The following CDH13 variants were observed in gnomAD, a reference collection of about 807,000 sequenced individuals.
CDH13 encodes cadherin-13.
In CDH13, 24 loss-of-function variants were observed where a neutral mutation model predicts 63.8. The observed-to-expected ratio is 0.38, with a 90% CI of 0.27 to 0.53. The LOEUF is 0.53. CDH13 is among the 20% of genes least tolerant of loss of function. The pLI, the probability that CDH13 is intolerant of heterozygous loss-of-function variation, is 0.85. For synonymous variants in CDH13, 503 were observed against 355.3 expected (o/e 1.42, Z -4.67); for missense variants, 1,049 against 903.1 (o/e 1.16, Z -2.07).
At chr16:83,495,841 A>T (rs908893645) in intron 7 of CDH13, among the ~76,000 whole-genome samples, 1 of 152,184 alleles carries the variant, frequency 6.6e-6, no homozygotes, top group African/African-American at 2.4e-5. Context: ...AGTCCTCATT[A>T]TGCAGGTACT....
At chr16:83,147,087 T>TA (rs1205087543) in intron 4 of CDH13, among the ~76,000 whole-genome samples, 27 of 150,914 alleles carry the variant, frequency 1.8e-4, no homozygotes, top group South Asian at 4.2e-4. Context: ...GACTCCATCT[T>TA]AAAAAAAAAG....
chr16:82,862,341 C>A (rs780024304), intron 2 of CDH13, among the ~76,000 whole-genome samples: 5 of 152,218 alleles, frequency 3.3e-5, no homozygotes, highest in Admixed American at 6.5e-5. Flanking sequence ...TAAAATCTGA[C>A]TATCCTATGT....
At chr16:83,193,222 A>G (rs529386134) in intron 4 of CDH13, among the ~76,000 whole-genome samples, 15 of 151,962 alleles carry the variant, frequency 9.9e-5, no homozygotes, top group African/African-American at 3.6e-4. Context: ...GCCATCCTAG[A>G]TGCTAGCTCT....
chr16:82,853,850 C>T (rs2039587109), intron 1 of CDH13, among the ~76,000 whole-genome samples: 1 of 152,074 alleles, frequency 6.6e-6, no homozygotes, highest in Admixed American at 6.5e-5. Flanking sequence ...ATGCTCAGAG[C>T]ATATATTCTA....
At chr16:83,700,626 C>T (rs963869432) in intron 10 of CDH13, among the ~76,000 whole-genome samples, 1 of 152,186 alleles carries the variant, frequency 6.6e-6, no homozygotes, top group Non-Finnish European at 1.5e-5. Flanking sequence ...TTTGGGAATG[C>T]AATCCCATAT....
chr16:82,764,176 T>A (rs1421845471), intron 1 of CDH13, among the ~76,000 whole-genome samples: 4 of 152,202 alleles, frequency 2.6e-5, no homozygotes, highest in Admixed American at 2.6e-4. Context: ...GTTGTTGTTG[T>A]TAGAATACAT....
At chr16:83,732,021 A>G (rs1381200976) in intron 10 of CDH13, among the ~76,000 whole-genome samples, 1 of 152,254 alleles carries the variant, frequency 6.6e-6, no homozygotes, top group Admixed American at 6.5e-5. Context: ...CCTAAAGGTA[A>G]TCATCCTGGT....
intron 4 of CDH13, among the ~76,000 whole-genome samples, chr16:83,130,895 G>A (rs528691844): frequency 6.6e-6 from 1 of 152,318 alleles, no homozygotes; most frequent in South Asian, 2.1e-4. Flanking sequence ...GCAAGGTGCT[G>A]TGGCAAGTTA....
intron 10 of CDH13, among the ~76,000 whole-genome samples, chr16:83,694,158 G>C (rs1426219538): frequency 6.6e-6 from 1 of 152,222 alleles, no homozygotes; most frequent in East Asian, 1.9e-4. Flanking sequence ...GTAGCCGCCA[G>C]ATAGAACTCA....
At chr16:83,438,916 T>A (rs1210513633) in intron 6 of CDH13, among the ~76,000 whole-genome samples, 1 of 152,206 alleles carries the variant, frequency 6.6e-6, no homozygotes, top group African/African-American at 2.4e-5. Flanking sequence ...TCATTTCAAA[T>A]GGAGGAATTA....
intron 1 of CDH13, chr16:82,825,434 A>G (rs879886442): frequency 5.9e-5 from 9 of 152,218 alleles, no homozygotes; most frequent in Non-Finnish European, 1.2e-4. Context: ...TGATACTTCA[A>G]AAAAACAAAA....
chr16:83,461,907 C>A (rs1381599717), intron 6 of CDH13, among the ~76,000 whole-genome samples: 1 of 152,190 alleles, frequency 6.6e-6, no homozygotes. Context: ...CAGTGGCCTG[C>A]CTTGTAAGGT....
At chr16:83,626,557 G>T (rs774873408) in intron 8 of CDH13, among the ~76,000 whole-genome samples, 1 of 152,130 alleles carries the variant, frequency 6.6e-6, no homozygotes, top group Non-Finnish European at 1.5e-5. Context: ...ACTGGGTGGG[G>T]CTGACAGGGA....
At chr16:83,282,841 G>A (rs2089213923) in intron 5 of CDH13, among the ~76,000 whole-genome samples, 1 of 152,148 alleles carries the variant, frequency 6.6e-6, no homozygotes, top group African/African-American at 2.4e-5. Flanking sequence ...TTTTCATCCT[G>A]TTATTCTATT....
rs762549023 is a variant in CDH13 at position 83,129,778 on chromosome 16, C to G, written c.483+4277C>G. ...AGGATTCTGTACAGCAGCCACCAGT[C>G]TGCTGGTCTGCACTGAAAAGCTGAC... On this transcript the variant is annotated intron_variant, in intron 4 of 13. Transcript: ENST00000567109. Among the ~76,000 whole-genome samples the G allele has an allele frequency of 1.2e-4, 19 of 152,358 alleles. 1 individual carries two copies. The highest frequency in any genetic ancestry group is 1.6e-4 in the Non-Finnish European group (11 of 68,042).
intron 4 of CDH13, among the ~76,000 whole-genome samples, chr16:83,196,188 G>A (rs4445888): frequency 0.12 from 19,010 of 152,092 alleles, 1,189 homozygotes; most frequent in South Asian, 0.19. Context: ...CCCGGGAGGC[G>A]GAGGTTGCAG....
chr16:82,902,136 G>C (rs898790571), intron 2 of CDH13, among the ~76,000 whole-genome samples: 1 of 152,118 alleles, frequency 6.6e-6, no homozygotes, highest in African/African-American at 2.4e-5. Flanking sequence ...GAACTAAAAG[G>C]CTTGCTTTGA....
intron 1 of CDH13, among the ~76,000 whole-genome samples, chr16:82,706,631 C>G (rs1292418964): frequency 6.7e-6 from 1 of 149,326 alleles, no homozygotes; most frequent in East Asian, 2.0e-4. Flanking sequence ...CCCGTCTCTA[C>G]TAAAACTAAA....
chr16:83,243,670 G>C (rs562098524), intron 5 of CDH13, among the ~76,000 whole-genome samples: 1 of 152,218 alleles, frequency 6.6e-6, no homozygotes, highest in Admixed American at 6.5e-5. Flanking sequence ...TGTATTTATT[G>C]TCCAAAACTG....
Sources: gnomAD v4.1 joint callset for allele counts (sites outside exome capture counted in the v4.1 genomes callset) on GRCh38, gnomAD v4.1.1 for gene constraint, MANE v1.5 for transcripts, NCBI Gene and HGNC (gene_info 2026-07-23, HGNC 2026-07-21) for gene names.